Variants in ST8SIA1 observed in about 807,000 individuals in gnomAD.
ST8SIA1 encodes ST8 alpha-N-acetyl-neuraminide alpha-2,8-sialyltransferase 1.
Under a neutral mutation model 35.9 loss-of-function variants are expected in ST8SIA1, and 16 were observed. The observed-to-expected ratio is 0.45, with a 90% confidence interval of 0.30 to 0.68. ST8SIA1 has a LOEUF of 0.68. Ranked by LOEUF, ST8SIA1 falls within the 30% of genes least tolerant of loss-of-function variation. The pLI is 0.09. For synonymous variants in ST8SIA1, 170 were observed against 169.6 expected (o/e 1.00, Z -0.02); for missense variants, 383 against 453.6 (o/e 0.84, Z 1.41).
intron 1 of ST8SIA1, among the ~76,000 whole-genome samples, chr12:22,292,762 G>A (rs1477716976): frequency 6.6e-6 from 1 of 152,108 alleles, no homozygotes; most frequent in African/African-American, 2.4e-5. Context: ...GAGAAAGAAT[G>A]GGAGAAAAGA....
At chr12:22,256,267 C>A (rs566569621) in intron 2 of ST8SIA1, among the ~76,000 whole-genome samples, 30 of 152,324 alleles carry the variant, frequency 2.0e-4, no homozygotes, top group African/African-American at 7.0e-4. Flanking sequence ...TCTGCCAACA[C>A]TGAACTGGAC....
intron 4 of ST8SIA1, among the ~76,000 whole-genome samples, chr12:22,217,027 C>T (rs1378205196): frequency 1.3e-5 from 2 of 152,198 alleles, no homozygotes; most frequent in African/African-American, 4.8e-5. Flanking sequence ...ATACAAATCT[C>T]TCATTAGGCA....
intron 4 of ST8SIA1, among the ~76,000 whole-genome samples, chr12:22,206,483 C>T (rs547383804): frequency 7.0e-4 from 107 of 152,244 alleles, no homozygotes; most frequent in Middle Eastern, 3.4e-3. Context: ...TGTGGAAGGA[C>T]GCGTCAGTTT....
intron 4 of ST8SIA1, among the ~76,000 whole-genome samples, chr12:22,245,937 C>T (rs942378036): frequency 6.6e-6 from 1 of 152,150 alleles, no homozygotes; most frequent in Non-Finnish European, 1.5e-5. Flanking sequence ...GGGTGGTGTG[C>T]CCAGGGAGGG....
chr12:22,261,657 T>C (rs1371954451), intron 2 of ST8SIA1, among the ~76,000 whole-genome samples: 2 of 152,198 alleles, frequency 1.3e-5, no homozygotes, highest in Non-Finnish European at 2.9e-5. Context: ...CATTTCCTTA[T>C]ATTGTAATGA....
chr12:22,286,940 G>GT (rs1866107071), intron 2 of ST8SIA1, among the ~76,000 whole-genome samples: 1 of 152,134 alleles, frequency 6.6e-6, no homozygotes, highest in Non-Finnish European at 1.5e-5. Context: ...TAGGAAAACT[G>GT]TAACTCTGTA....
chr12:22,229,440 G>C (rs888772409), intron 4 of ST8SIA1, among the ~76,000 whole-genome samples: 10 of 151,646 alleles, frequency 6.6e-5, no homozygotes, highest in African/African-American at 2.4e-4. Flanking sequence ...AACATAGGGA[G>C]AACTTGTCTC....
chr12:22,248,207 C>T (rs559352676), intron 4 of ST8SIA1, among the ~76,000 whole-genome samples: 105 of 152,250 alleles, frequency 6.9e-4, no homozygotes, highest in Middle Eastern at 3.4e-3. Context: ...ATCACTTGGA[C>T]GGGACTTAGA....
chr12:22,271,643 G>T (rs1865912968), intron 2 of ST8SIA1, among the ~76,000 whole-genome samples: 1 of 152,190 alleles, frequency 6.6e-6, no homozygotes, highest in African/African-American at 2.4e-5. Context: ...CTGGAACTTA[G>T]AAATCATTCA....
At chr12:22,249,820 C>T (rs958900516) in intron 3 of ST8SIA1, among the ~76,000 whole-genome samples, 2 of 152,154 alleles carry the variant, frequency 1.3e-5, no homozygotes, top group African/African-American at 2.4e-5. Context: ...CCTACAGTAC[C>T]TCTGCACACC....
chr12:22,266,223 C>T (rs1031885465), intron 2 of ST8SIA1, among the ~76,000 whole-genome samples: 1 of 151,692 alleles, frequency 6.6e-6, no homozygotes, highest in Non-Finnish European at 1.5e-5. Context: ...GGTACAGTGT[C>T]CAATAAAATT....
At chr12:22,249,432 G>T (rs1399659736) in intron 3 of ST8SIA1, among the ~76,000 whole-genome samples, 1 of 152,022 alleles carries the variant, frequency 6.6e-6, no homozygotes, top group African/African-American at 2.4e-5. Context: ...GTGTTATCCA[G>T]GACGGTCTCG....
At chr12:22,219,271 A>G (rs1348941588) in intron 4 of ST8SIA1, among the ~76,000 whole-genome samples, 2 of 152,192 alleles carry the variant, frequency 1.3e-5, no homozygotes, top group Non-Finnish European at 2.9e-5. Context: ...TTATATTTCT[A>G]TAGTTACATA....
chr12:22,278,305 A>C (rs1865994851), intron 2 of ST8SIA1, among the ~76,000 whole-genome samples: 1 of 152,188 alleles, frequency 6.6e-6, no homozygotes, highest in South Asian at 2.1e-4. Flanking sequence ...TTGAGTCCAG[A>C]AATATCACTG....
intron 4 of ST8SIA1, among the ~76,000 whole-genome samples, chr12:22,219,728 A>G (rs1865276024): frequency 1.3e-5 from 2 of 151,188 alleles, no homozygotes; most frequent in Non-Finnish European, 3.0e-5. Flanking sequence ...GCAAATGGAA[A>G]TTTCTCACTG....
At chr12:22,290,837 G>C (rs1160574998) in intron 1 of ST8SIA1, among the ~76,000 whole-genome samples, 1 of 152,148 alleles carries the variant, frequency 6.6e-6, no homozygotes, top group Admixed American at 6.5e-5. Flanking sequence ...GCTTTGCGCT[G>C]ATGCTGTGTA....
intron 1 of ST8SIA1, among the ~76,000 whole-genome samples, chr12:22,301,237 T>C (rs1226808477): frequency 1.3e-5 from 2 of 152,056 alleles, no homozygotes; most frequent in Non-Finnish European, 2.9e-5. Flanking sequence ...AGGTGTCTGA[T>C]AACTCTGGAG....
chr12:22,294,398 A>T (rs1866218128), intron 1 of ST8SIA1, among the ~76,000 whole-genome samples: 1 of 152,204 alleles, frequency 6.6e-6, no homozygotes, highest in African/African-American at 2.4e-5. Context: ...ATTTGTATTC[A>T]TCTTATTTTT....
intron 1 of ST8SIA1, among the ~76,000 whole-genome samples, chr12:22,302,567 C>T (rs1295157430): frequency 1.3e-5 from 2 of 152,162 alleles, no homozygotes; most frequent in Non-Finnish European, 2.9e-5. Flanking sequence ...TAGGAATAAA[C>T]CATCCCAGAC....
Sources: gnomAD v4.1 joint callset for allele counts (sites outside exome capture counted in the v4.1 genomes callset) on GRCh38, gnomAD v4.1.1 for gene constraint, MANE v1.5 for transcripts, NCBI Gene and HGNC (gene_info 2026-07-23, HGNC 2026-07-21) for gene names.